PRDM10: variants seen among roughly 807,000 people sequenced by gnomAD.
The protein encoded by PRDM10 is PR/SET domain 10, also known as PR domain zinc finger protein 10.
PRDM10 carries 65 observed loss-of-function variants against 133.1 expected under a neutral mutation model. That is an observed-to-expected ratio of 0.49 (90% CI 0.40 to 0.60). The LOEUF (loss-of-function observed/expected upper bound fraction) is 0.60. Ranked by LOEUF, PRDM10 falls within the 20% of genes least tolerant of loss-of-function variation. PRDM10 has a pLI of 0.00. For synonymous variants in PRDM10, 582 were observed against 580.4 expected (o/e 1.00, Z -0.04); for missense variants, 1,137 against 1,507.1 (o/e 0.75, Z 4.07).
chr11:129,942,310 T>TGA, intron 7 of PRDM10, 116 bp downstream of exon 7: 1 of 992,484 alleles, frequency 1.0e-6, no homozygotes, highest in Non-Finnish European at 1.5e-6. Context: ...AACCAGAAAA[T>TGA]GACCCCCCTC....
rs577274960 is a variant in PRDM10, at chr11:129,954,603, C to A, written c.294+909G>T. Among the ~76,000 whole-genome samples the A allele has an allele frequency of 5.3e-5, 8 of 152,192 alleles. 1 individual carries two copies. In the South Asian group the frequency reaches 1.7e-3, roughly 32 times the overall value. ...TAATGAGAATAATTTAATTATTAAT[C>A]AGTCATGGCACTCAGTAATATAGAC... On this transcript the variant is annotated intron_variant, in intron 4 of 20. Coordinates refer to ENST00000360871, the MANE Select transcript of PRDM10 (RefSeq NM_199437.2).
intron 1 of PRDM10, among the ~76,000 whole-genome samples, chr11:129,970,409 A>G (rs559106146): frequency 3.3e-5 from 5 of 152,318 alleles, no homozygotes; most frequent in African/African-American, 1.2e-4. Flanking sequence ...TAACCTGGGC[A>G]CGAGGCCGCC....
At chr11:129,956,601 T>A (rs1951701116) in intron 3 of PRDM10, among the ~76,000 whole-genome samples, 2 of 152,072 alleles carry the variant, frequency 1.3e-5, no homozygotes, top group African/African-American at 4.8e-5. Context: ...ATAAAAATTA[T>A]CCAAATTCAG....
At chr11:129,962,576 A>G (rs1344856682) in intron 1 of PRDM10, among the ~76,000 whole-genome samples, 1 of 152,256 alleles carries the variant, frequency 6.6e-6, no homozygotes, top group Non-Finnish European at 1.5e-5. Flanking sequence ...AAGGAACACA[A>G]GGGAACTTCA....
At chr11:129,986,942 T>G (rs779740783) in intron 1 of PRDM10, among the ~76,000 whole-genome samples, 6 of 152,208 alleles carry the variant, frequency 3.9e-5, no homozygotes, top group Non-Finnish European at 7.3e-5. Context: ...TTGTGGTTTT[T>G]GTATTTATTA....
chr11:129,991,736 T>C (rs1285569767), intron 1 of PRDM10, among the ~76,000 whole-genome samples: 3 of 151,508 alleles, frequency 2.0e-5, no homozygotes, highest in Non-Finnish European at 4.4e-5. Context: ...GGAGAATAGC[T>C]TGAACCTGGG....
At chr11:129,921,086 C>T (rs1461508750) in intron 13 of PRDM10, among the ~76,000 whole-genome samples, 2 of 152,168 alleles carry the variant, frequency 1.3e-5, no homozygotes, top group African/African-American at 2.4e-5. Context: ...CGTGAGCCAC[C>T]GCACCCGGCC....
Position 129,918,584 on chromosome 11 carries a change from G to C in PRDM10, c.2169C>G (p.Phe723Leu). ...AGCCCATCATGCACAGGCGGCACTT[G>C]AACGTGAAGCTGTCGTAGTCTGTGG... The part of the protein sequence containing the change: ...ITSTDYDSFT[F>L]KCRLCMMGFR... The change falls in exon 14 of 21, where the codon TTC becomes TTG. Residue 723 changes from phenylalanine to leucine, a missense_variant. Coordinates refer to ENST00000360871, the MANE Select transcript of PRDM10 (RefSeq NM_199437.2). This position sits in a 1 kb window ranked among gnomAD's most constrained non-coding sequence, Gnocchi z 5.3. 1 of 1,614,188 alleles carries C rather than the reference G, an allele frequency of 6.2e-7. No individual in the cohort carries two copies. Among genetic ancestry groups the C allele is most frequent in the Non-Finnish European group, 8.5e-7 (1 of 1,180,014 alleles).
chr11:129,961,292 T>TG (rs916484253), intron 1 of PRDM10, among the ~76,000 whole-genome samples: 16 of 151,714 alleles, frequency 1.1e-4, no homozygotes, highest in Admixed American at 3.9e-4. Flanking sequence ...GGGGTTTTTT[T>TG]GGGGGGGTGA....
At position 129,899,808 on chromosome 11, in the gene PRDM10, T is replaced by G. The variant is rs575708360; in HGVS notation, c.*2505A>C. 2 of 152,770 alleles carry G rather than the reference T, an allele frequency of 1.3e-5. No individual in the cohort carries two copies. Among genetic ancestry groups the G allele is most frequent in the Admixed American group, 6.5e-5 (1 of 15,302 alleles). The allele number at this position is 152,770 out of a possible 1,614,324, so 9.5% of individuals were successfully genotyped here. A position where few individuals can be genotyped will look rare whatever the true frequency, so the allele number is the denominator to read the frequency against. On this transcript the variant is annotated 3_prime_UTR_variant, in exon 21 of 21. Coordinates refer to ENST00000360871, the MANE Select transcript of PRDM10 (RefSeq NM_199437.2). ...ACTATTAACACTATAACTCACTGAA[T>G]GTACAATAAATGTTCACATTTAAAT... is the stretch of plus-strand genomic sequence containing the variant.
chr11:129,915,895 T>C, intron 15 of PRDM10, 35 bp from the exon 16 acceptor site: 2 of 1,576,916 alleles, frequency 1.3e-6, no homozygotes, highest in Non-Finnish European at 1.7e-6. Flanking sequence ...GAAAGCAGTA[T>C]ACAGTTCCAC....
intron 7 of PRDM10, 85 bp downstream of exon 7, chr11:129,942,333 TAAACAAAC>T: frequency 1.5e-6 from 2 of 1,378,172 alleles, no homozygotes; most frequent in Admixed American, 4.6e-5. Flanking sequence ...CCTTTTTTGT[TAAACAAAC>T]CCACTTTAGG....
In PRDM10 at chr11:129,918,853, T is replaced by C. The variant is rs1950437774; in HGVS notation, c.2035-135A>G. 1 of 859,740 alleles carries C rather than the reference T, an allele frequency of 1.2e-6. No homozygotes were observed. The highest frequency in any genetic ancestry group is 1.8e-6 in the Non-Finnish European group (1 of 550,500). 53.3% of individuals were successfully genotyped at this position (859,740 alleles called of 1,614,324 possible). On this transcript the variant is annotated intron_variant, in intron 13 of 20. Coordinates refer to ENST00000360871, the MANE Select transcript of PRDM10 (RefSeq NM_199437.2). This position sits in a 1 kb window ranked among gnomAD's most constrained non-coding sequence, Gnocchi z 5.3. ...AGAGACATTTGAGTTGCTGGAACAC[T>C]AGGACGCAGACATGTTAAAAGTGGC...
chr11:129,974,920 G>A (rs770604651), intron 1 of PRDM10, among the ~76,000 whole-genome samples: 2 of 152,170 alleles, frequency 1.3e-5, no homozygotes, highest in African/African-American at 2.4e-5. Flanking sequence ...TAAGCCAGAC[G>A]TTAAAGGGTA....
chr11:129,952,206 C>A (rs918900490), intron 4 of PRDM10, among the ~76,000 whole-genome samples: 2 of 151,312 alleles, frequency 1.3e-5, no homozygotes, highest in African/African-American at 2.5e-5. Context: ...AGATGAAGGG[C>A]CCTTTGAAGT....
chr11:129,960,750 A>G, intron 2 of PRDM10, 146 bp downstream of exon 2: 1 of 757,402 alleles, frequency 1.3e-6, no homozygotes, highest in Non-Finnish European at 2.1e-6. Flanking sequence ...AGGGGCCAAA[A>G]CAGTCCCTAT....
chr11:129,946,347 G>A (rs1221831469), intron 5 of PRDM10, among the ~76,000 whole-genome samples: 2 of 152,146 alleles, frequency 1.3e-5, no homozygotes, highest in Non-Finnish European at 2.9e-5. Flanking sequence ...CTGTTGAACT[G>A]GGATTAGATG....
chr11:129,960,808 C>A, intron 2 of PRDM10, 88 bp downstream of exon 2: 1 of 1,385,662 alleles, frequency 7.2e-7, no homozygotes, highest in Non-Finnish European at 1.0e-6. Flanking sequence ...CTAGTCACTA[C>A]TAGATAGCAG....
At chr11:129,925,652 A>C (rs1350412578) in intron 11 of PRDM10, among the ~76,000 whole-genome samples, 1 of 152,236 alleles carries the variant, frequency 6.6e-6, no homozygotes, top group Non-Finnish European at 1.5e-5. Context: ...TTACTTGTTG[A>C]AATCCATGAG....
Sources: allele counts gnomAD v4.1 joint callset (sites outside exome capture counted in the v4.1 genomes callset), GRCh38; gene constraint gnomAD v4.1.1; non-coding constraint Gnocchi (gnomAD v3.1); transcripts MANE v1.5; gene names NCBI Gene and HGNC (gene_info 2026-07-23, HGNC 2026-07-21).